Variants in CAMK1D observed in about 807,000 individuals in gnomAD.
CAMK1D encodes calcium/calmodulin dependent protein kinase ID.
In CAMK1D, 9 loss-of-function variants were observed where a neutral mutation model predicts 47.7. The observed-to-expected ratio is 0.19, with a 90% CI of 0.11 to 0.33. CAMK1D has a LOEUF of 0.33. Among genes scored for constraint, CAMK1D ranks in the 10% least tolerant of loss-of-function variants. CAMK1D has a pLI of 1.00. For missense variants in CAMK1D, 291 were observed against 488.7 expected (o/e 0.60, Z 3.81); for synonymous variants, 184 against 184.9 (o/e 0.99, Z 0.04).
intron 1 of CAMK1D, among the ~76,000 whole-genome samples, chr10:12,356,697 G>A (rs147763209): frequency 0.015 from 2,047 of 138,684 alleles, 52 homozygotes; most frequent in African/African-American, 0.052. Context: ...ACTCCAGCCT[G>A]GGTGACACAG....
intron 1 of CAMK1D, among the ~76,000 whole-genome samples, chr10:12,387,962 A>T (rs967684068): frequency 2.6e-4 from 40 of 152,142 alleles, no homozygotes; most frequent in African/African-American, 9.4e-4. Context: ...GAGTGAGCAG[A>T]TGGAGCCCAC....
At chr10:12,405,846 C>G (rs1839404261) in intron 1 of CAMK1D, among the ~76,000 whole-genome samples, 1 of 152,136 alleles carries the variant, frequency 6.6e-6, no homozygotes, top group Admixed American at 6.5e-5. Context: ...TTATCAGGAC[C>G]AACGAGACTT....
At chr10:12,515,402 C>CTTT (rs772694725) in intron 1 of CAMK1D, among the ~76,000 whole-genome samples, 2 of 102,034 alleles carry the variant, frequency 2.0e-5, no homozygotes, top group African/African-American at 7.7e-5. Flanking sequence ...TTTTCCTTTT[C>CTTT]TTTTTTTTTT....
At chr10:12,429,211 C>T (rs1296512041) in intron 1 of CAMK1D, among the ~76,000 whole-genome samples, 1 of 152,178 alleles carries the variant, frequency 6.6e-6, no homozygotes, top group Non-Finnish European at 1.5e-5. Context: ...ACGTGCTTTC[C>T]TCTTTGCTGA....
intron 8 of CAMK1D, among the ~76,000 whole-genome samples, chr10:12,823,680 C>T (rs1388308396): frequency 2.0e-5 from 3 of 151,974 alleles, no homozygotes; most frequent in Non-Finnish European, 4.4e-5. Flanking sequence ...ATGGCAGGCT[C>T]AGGAATCAGC....
At chr10:12,597,367 T>A (rs1009322409) in intron 2 of CAMK1D, among the ~76,000 whole-genome samples, 3 of 152,168 alleles carry the variant, frequency 2.0e-5, no homozygotes, top group African/African-American at 7.2e-5. Context: ...GGCCAGGACC[T>A]TCTTGAAGCA....
At chr10:12,551,831 A>G (rs1173162931) in intron 1 of CAMK1D, among the ~76,000 whole-genome samples, 1 of 152,208 alleles carries the variant, frequency 6.6e-6, no homozygotes, top group Non-Finnish European at 1.5e-5. Flanking sequence ...ACTGTTGTCC[A>G]TGAAGCTGGT....
intron 5 of CAMK1D, among the ~76,000 whole-genome samples, chr10:12,786,893 C>T (rs180887734): frequency 1.3e-5 from 2 of 152,278 alleles, no homozygotes; most frequent in East Asian, 1.9e-4. Flanking sequence ...GAGGCCAAGG[C>T]GGGTGGATCA....
At chr10:12,436,153 C>G (rs761057167) in intron 1 of CAMK1D, among the ~76,000 whole-genome samples, 2 of 152,200 alleles carry the variant, frequency 1.3e-5, no homozygotes, top group Non-Finnish European at 2.9e-5. Context: ...TCATCTGTGA[C>G]TCAAGCCTGT....
intron 1 of CAMK1D, among the ~76,000 whole-genome samples, chr10:12,469,390 T>C (rs1468998428): frequency 2.8e-5 from 4 of 144,804 alleles, no homozygotes; most frequent in Non-Finnish European, 4.5e-5. Context: ...AATTAACCCT[T>C]TCTTCCAAGC....
chr10:12,542,389 T>A (rs1333297667), intron 1 of CAMK1D, among the ~76,000 whole-genome samples: 1 of 152,216 alleles, frequency 6.6e-6, no homozygotes, highest in Non-Finnish European at 1.5e-5. Context: ...GTATGTAGAA[T>A]GACTAAAAAG....
At chr10:12,369,501 G>A (rs1837945112) in intron 1 of CAMK1D, among the ~76,000 whole-genome samples, 2 of 152,186 alleles carry the variant, frequency 1.3e-5, no homozygotes, top group Admixed American at 6.5e-5. Flanking sequence ...ATCTCATCGG[G>A]ATGGGGGCTC....
chr10:12,684,785 A>AT (rs35720911), intron 3 of CAMK1D, among the ~76,000 whole-genome samples: 67,326 of 149,686 alleles, frequency 0.45, 15,328 homozygotes, highest in Admixed American at 0.47. Flanking sequence ...AGTTTGGCCA[A>AT]TTTTTTTTTT....
At chr10:12,599,840 T>A (rs917079159) in intron 2 of CAMK1D, among the ~76,000 whole-genome samples, 1 of 152,244 alleles carries the variant, frequency 6.6e-6, no homozygotes, top group Non-Finnish European at 1.5e-5. Context: ...ATAAATCCCT[T>A]ATCATCAGCT....
chr10:12,717,058 A>G (rs189618085), intron 3 of CAMK1D, among the ~76,000 whole-genome samples: 3 of 152,384 alleles, frequency 2.0e-5, no homozygotes, highest in Non-Finnish European at 4.4e-5. Flanking sequence ...GGAGTAGTCC[A>G]GTGATAATGT....
chr10:12,507,520 T>C (rs1026789161), intron 1 of CAMK1D, among the ~76,000 whole-genome samples: 2 of 152,212 alleles, frequency 1.3e-5, no homozygotes, highest in African/African-American at 4.8e-5. Context: ...TTTTTCCTTT[T>C]TCAGGAATGA....
At chr10:12,639,412 GA>G (rs1839605468) in intron 2 of CAMK1D, among the ~76,000 whole-genome samples, 1 of 152,220 alleles carries the variant, frequency 6.6e-6, no homozygotes, top group South Asian at 2.1e-4. Context: ...TTGAACCCGC[GA>G]GGCGGAGGTT....
At chr10:12,661,155 A>G (rs779116071) in intron 2 of CAMK1D, among the ~76,000 whole-genome samples, 68 of 152,346 alleles carry the variant, frequency 4.5e-4, no homozygotes, top group Middle Eastern at 3.4e-3. Flanking sequence ...ACAACCGAGT[A>G]TCTTGAGCAC....
chr10:12,350,654 C>T lies in CAMK1D; in HGVS notation c.92+744C>T, dbSNP rs376815117. ...TAATCCGAAGTCGATGGCAGGAACG[C>T]TCCAAGCATGTGCTGCTCAGCTCAG... On this transcript the variant is annotated intron_variant, in intron 1 of 10. Coordinates refer to ENST00000619168, the MANE Select transcript of CAMK1D (RefSeq NM_153498.4). Among the ~76,000 whole-genome samples, 9 of 152,368 alleles carry T rather than the reference C, an allele frequency of 5.9e-5. No homozygotes were observed. In the East Asian group the frequency reaches 1.7e-3, roughly 29 times the overall value.
Sources: gnomAD v4.1 joint callset for allele counts (sites outside exome capture counted in the v4.1 genomes callset) on GRCh38, gnomAD v4.1.1 for gene constraint, MANE v1.5 for transcripts, NCBI Gene and HGNC (gene_info 2026-07-23, HGNC 2026-07-21) for gene names.